Variants in SCAPER observed in about 807,000 individuals in gnomAD.
SCAPER encodes the protein S phase cyclin A-associated protein in the endoplasmic reticulum.
Under a neutral mutation model 182.2 loss-of-function variants are expected in SCAPER, and 98 were observed. The ratio of observed to expected loss-of-function variants is 0.54; its 90% CI spans 0.46 to 0.64. The LOEUF (loss-of-function observed/expected upper bound fraction) is 0.64. Ranked by LOEUF, SCAPER falls within the 30% of genes least tolerant of loss-of-function variation. The pLI is 0.00. For synonymous variants in SCAPER, 605 were observed against 564.6 expected (o/e 1.07, Z -1.01); for missense variants, 1,432 against 1,690.0 (o/e 0.85, Z 2.68).
At chr15:76,439,437 C>A (rs2047413248) in intron 25 of SCAPER, among the ~76,000 whole-genome samples, 1 of 152,224 alleles carries the variant, frequency 6.6e-6, no homozygotes, top group South Asian at 2.1e-4. Context: ...CAGTATACTG[C>A]ACTGCTGTCT....
chr15:76,870,263 G>T (rs2072615125), intron 2 of SCAPER, among the ~76,000 whole-genome samples: 1 of 151,946 alleles, frequency 6.6e-6, no homozygotes, highest in African/African-American at 2.4e-5. Flanking sequence ...AATGTTTCTA[G>T]TACAAAAAGA....
At chr15:76,611,425 T>A (rs1260570709) in intron 22 of SCAPER, among the ~76,000 whole-genome samples, 2 of 151,968 alleles carry the variant, frequency 1.3e-5, no homozygotes, top group Admixed American at 6.5e-5. Flanking sequence ...GTTCTGAAAT[T>A]GAGGCAGTAA....
intron 22 of SCAPER, among the ~76,000 whole-genome samples, chr15:76,575,230 G>C (rs1384625499): frequency 2.0e-5 from 3 of 152,182 alleles, no homozygotes; most frequent in African/African-American, 7.2e-5. Context: ...TTCTGAACCT[G>C]GCAGGGGTGG....
chr15:76,432,562 G>C (rs541094550), intron 26 of SCAPER, among the ~76,000 whole-genome samples: 2 of 152,384 alleles, frequency 1.3e-5, no homozygotes, highest in East Asian at 3.9e-4. Flanking sequence ...TGGGGAGCCA[G>C]AGATCAGTGC....
At chr15:76,675,348 T>C (rs1414708360) in intron 20 of SCAPER, among the ~76,000 whole-genome samples, 1 of 152,240 alleles carries the variant, frequency 6.6e-6, no homozygotes, top group Non-Finnish European at 1.5e-5. Flanking sequence ...GCTGAAAGCA[T>C]ATACTGTACT....
chr15:76,376,202 A>G lies in SCAPER; in HGVS notation c.3815T>C (p.Val1272Ala), dbSNP rs1402703705. 6.2e-7 allele frequency: 1 copy of G among 1,613,978 alleles called. No homozygotes were observed. ...SCESLLHEVI[V>A]CVGYFTVNHP... The stretch of plus-strand genomic sequence containing the variant: ...GTTGACAGTGAAGTAGCCCACACAG[A>G]CGATGACCTCATGAAGGAGGCTTTC... Residue 1272 changes from valine to alanine, a missense_variant, in exon 29 of 32, where the codon GTC becomes GCC. By Grantham distance (64) the Val-to-Ala change is moderately conservative (BLOSUM62 0). Coordinates refer to ENST00000563290, the MANE Select transcript of SCAPER (RefSeq NM_020843.4).
intron 21 of SCAPER, among the ~76,000 whole-genome samples, chr15:76,652,507 A>T (rs1330378236): frequency 1.0e-5 from 1 of 99,822 alleles, no homozygotes; most frequent in African/African-American, 3.6e-5. Context: ...ATATATATAT[A>T]TTTACATACA....
chr15:76,634,658 C>T (rs1206580286), intron 21 of SCAPER, among the ~76,000 whole-genome samples: 1 of 152,114 alleles, frequency 6.6e-6, no homozygotes, highest in Non-Finnish European at 1.5e-5. Flanking sequence ...AGTCTTACAC[C>T]ACTCTGGTTA....
At chr15:76,709,431 G>A (rs891398955) in intron 17 of SCAPER, among the ~76,000 whole-genome samples, 3 of 152,110 alleles carry the variant, frequency 2.0e-5, no homozygotes, top group African/African-American at 7.2e-5. Context: ...ACCGCACTCT[G>A]CCAAGAACTT....
At chr15:76,444,311 C>T (rs185541781) in intron 25 of SCAPER, among the ~76,000 whole-genome samples, 1 of 152,136 alleles carries the variant, frequency 6.6e-6, no homozygotes, top group East Asian at 1.9e-4. Flanking sequence ...TTCCCAGGAC[C>T]CTTAGTTTTT....
At chr15:76,793,215 A>AG (rs2065112089) in intron 8 of SCAPER, 9 of 1,159,824 alleles carry the variant, frequency 7.8e-6, no homozygotes, top group Non-Finnish European at 1.1e-5. Context: ...GTTATTATAT[A>AG]TTACTTGAAG....
chr15:76,358,476 G>C (rs1344297034), intron 29 of SCAPER, among the ~76,000 whole-genome samples: 1 of 152,248 alleles, frequency 6.6e-6, no homozygotes, highest in Non-Finnish European at 1.5e-5. Flanking sequence ...TCTGGAGGCT[G>C]CAAGTCTGGT....
At chr15:76,542,616 A>C (rs1010088755) in intron 23 of SCAPER, among the ~76,000 whole-genome samples, 2 of 151,872 alleles carry the variant, frequency 1.3e-5, no homozygotes, top group Non-Finnish European at 2.9e-5. Flanking sequence ...AAGTTTTGGG[A>C]TAAGATGATT....
chr15:76,740,894 A>G (rs2061506309), intron 15 of SCAPER, among the ~76,000 whole-genome samples: 1 of 152,148 alleles, frequency 6.6e-6, no homozygotes, highest in South Asian at 2.1e-4. Context: ...ATTATTGTGG[A>G]AAGATTAGGA....
At chr15:76,725,106 A>C (rs113878410) in intron 17 of SCAPER, among the ~76,000 whole-genome samples, 2 of 152,286 alleles carry the variant, frequency 1.3e-5, no homozygotes, top group African/African-American at 4.8e-5. Context: ...AAACACCAGC[A>C]ACATACAAAT....
intron 25 of SCAPER, among the ~76,000 whole-genome samples, chr15:76,465,739 T>C (rs561628324): frequency 6.6e-6 from 1 of 152,298 alleles, no homozygotes; most frequent in Admixed American, 6.5e-5. Context: ...TTTGAGTTTA[T>C]TTTTGTGTAT....
intron 21 of SCAPER, among the ~76,000 whole-genome samples, chr15:76,645,239 G>A (rs1162139804): frequency 6.6e-6 from 1 of 151,998 alleles, no homozygotes; most frequent in Non-Finnish European, 1.5e-5. Flanking sequence ...TATCTGCAGG[G>A]GGTCCTAGAA....
chr15:76,616,874 T>C (rs766119151), intron 22 of SCAPER, among the ~76,000 whole-genome samples: 2 of 152,136 alleles, frequency 1.3e-5, no homozygotes, highest in Non-Finnish European at 2.9e-5. Flanking sequence ...ATCATAAGCA[T>C]TTCCTCACAG....
chr15:76,505,775 A>G (rs538429150), intron 23 of SCAPER, among the ~76,000 whole-genome samples: 191 of 152,318 alleles, frequency 1.3e-3, no homozygotes, highest in Non-Finnish European at 1.8e-3. Flanking sequence ...CCATATATCT[A>G]AGAGATATCT....
Sources: gnomAD v4.1 joint callset for allele counts (sites outside exome capture counted in the v4.1 genomes callset) on GRCh38, gnomAD v4.1.1 for gene constraint, MANE v1.5 for transcripts, NCBI Gene and HGNC (gene_info 2026-07-23, HGNC 2026-07-21) for gene names.